PRKAA2: variants seen among roughly 807,000 people sequenced by gnomAD.
PRKAA2 encodes protein kinase AMP-activated catalytic subunit alpha 2, also known as 5'-AMP-activated protein kinase catalytic subunit alpha-2.
A neutral mutation model predicts 56.3 loss-of-function variants in PRKAA2; 40 were observed. The observed-to-expected ratio is 0.71, with a 90% CI of 0.55 to 0.92. The LOEUF is 0.92. Ranked by LOEUF, PRKAA2 falls within the 40% of genes least tolerant of loss-of-function variation. The pLI is 0.00. For missense variants in PRKAA2, 542 were observed against 686.9 expected, an observed-to-expected ratio of 0.79 and a Z score of 2.36; for synonymous variants, 214 against 234.2, an observed-to-expected ratio of 0.91 and a Z score of 0.79.
intron 1 of PRKAA2, among the ~76,000 whole-genome samples, chr1:56,656,715 G>A (rs1473103501): frequency 6.6e-6 from 1 of 152,166 alleles, no homozygotes; most frequent in Non-Finnish European, 1.5e-5. Flanking sequence ...CCAACTTCAT[G>A]TACCCCTGTG....
chr1:56,703,498 T>C (rs1395185733), intron 6 of PRKAA2, among the ~76,000 whole-genome samples: 1 of 152,210 alleles, frequency 6.6e-6, no homozygotes, highest in African/African-American at 2.4e-5. Flanking sequence ...CTTCATTCAG[T>C]CTGTTGCATT....
chr1:56,657,491 C>G (rs998183509), intron 1 of PRKAA2, among the ~76,000 whole-genome samples: 5 of 152,104 alleles, frequency 3.3e-5, no homozygotes, highest in Non-Finnish European at 1.5e-5. Flanking sequence ...GCCTGGCCAA[C>G]ATGGTGAAAC....
intron 1 of PRKAA2, among the ~76,000 whole-genome samples, chr1:56,652,536 A>G (rs1315778500): frequency 6.6e-6 from 1 of 152,226 alleles, no homozygotes; most frequent in Admixed American, 6.5e-5. Flanking sequence ...ACATTGGTAT[A>G]AGAAGGTATT....
Position 56,707,464 on chromosome 1 carries a change from G to A in PRKAA2, c.1421-11G>A, listed in dbSNP as rs1233177213. 1.2e-6 allele frequency: 2 copies of A among 1,611,020 alleles called. No individual in the cohort carries two copies. The highest frequency in any genetic ancestry group is 1.7e-6 in the Non-Finnish European group (2 of 1,177,356). ...TTTCCATATAAATTGCTCTTCTTTG[G>A]TCCATTTCAGATGAAGTAGTGGAGC... On this transcript the variant is annotated splice_polypyrimidine_tract_variant and intron_variant, in intron 8 of 8. Coordinates refer to ENST00000371244, the MANE Select transcript of PRKAA2 (RefSeq NM_006252.4).
At chr1:56,652,092 A>C (rs1308090635) in intron 1 of PRKAA2, among the ~76,000 whole-genome samples, 1 of 149,918 alleles carries the variant, frequency 6.7e-6, no homozygotes, top group African/African-American at 2.5e-5. Flanking sequence ...GGCTCACTAC[A>C]ACCTCTGCCT....
chr1:56,691,521 T>G, intron 3 of PRKAA2, 34 bp downstream of exon 3: 51 of 1,496,092 alleles, frequency 3.4e-5, no homozygotes, highest in Non-Finnish European at 4.1e-5. Flanking sequence ...ACTAAATCTC[T>G]AAACTAATAA....
intron 1 of PRKAA2, among the ~76,000 whole-genome samples, chr1:56,670,260 GA>G (rs1304630385): frequency 6.6e-6 from 1 of 152,192 alleles, no homozygotes; most frequent in African/African-American, 2.4e-5. Context: ...TTGAGTGACA[GA>G]AATATCCAAA....
chr1:56,681,069 G>A (rs1320805118), intron 2 of PRKAA2, among the ~76,000 whole-genome samples: 7 of 152,152 alleles, frequency 4.6e-5, no homozygotes, highest in Non-Finnish European at 8.8e-5. Context: ...GTGAGATGGT[G>A]TCTCATTGTG....
intron 1 of PRKAA2, among the ~76,000 whole-genome samples, chr1:56,670,020 G>C (rs1644063882): frequency 6.6e-6 from 1 of 152,194 alleles, no homozygotes; most frequent in Non-Finnish European, 1.5e-5. Flanking sequence ...GCTTTAGAGA[G>C]TGTTTTGTGT....
intron 1 of PRKAA2, among the ~76,000 whole-genome samples, chr1:56,662,945 A>G (rs1438956328): frequency 6.6e-6 from 1 of 152,124 alleles, no homozygotes; most frequent in Non-Finnish European, 1.5e-5. Flanking sequence ...TTTTTCTGCT[A>G]AGGTTTTGGC....
chr1:56,697,273 C>A (rs933755244), intron 6 of PRKAA2, among the ~76,000 whole-genome samples: 1 of 151,972 alleles, frequency 6.6e-6, no homozygotes, highest in African/African-American at 2.4e-5. Context: ...ATCCACCCAC[C>A]TTGCCCTCCC....
chr1:56,698,546 TAAG>T (rs1238263027), intron 6 of PRKAA2, among the ~76,000 whole-genome samples: 2 of 152,106 alleles, frequency 1.3e-5, no homozygotes, highest in African/African-American at 4.8e-5. Flanking sequence ...ACACAACTAA[TAAG>T]GAGCACAATG....
intron 2 of PRKAA2, among the ~76,000 whole-genome samples, chr1:56,680,906 A>G (rs1644149050): frequency 6.6e-6 from 1 of 152,184 alleles, no homozygotes; most frequent in Non-Finnish European, 1.5e-5. Context: ...TGGTATTTCT[A>G]GTTCTAGATC....
At position 56,695,936 on chromosome 1, in the gene PRKAA2, T is replaced by C; in HGVS notation, c.565T>C (p.Leu189=). ...YAAPEVISGR[L]YAGPEVDIWS... ...TTGTGTTGTCATCTTTTTTCTTAGATTGTATGCAGGTCCTGAAGTTGATAT... is the reference window on the plus strand; with the variant it reads ...TTGTGTTGTCATCTTTTTTCTTAGACTGTATGCAGGTCCTGAAGTTGATAT... The change falls in exon 6 of 9, where the codon TTG becomes CTG. Residue 189 remains leucine, a splice_region_variant and synonymous_variant. Transcript: ENST00000371244. The C allele has an allele frequency of 1.2e-6, 2 of 1,611,896 alleles. No homozygotes were observed. Among genetic ancestry groups the C allele is most frequent in the Non-Finnish European group, 1.7e-6 (2 of 1,179,262 alleles).
At chr1:56,652,008 A>ATTTTTTTTT (rs35462805) in intron 1 of PRKAA2, among the ~76,000 whole-genome samples, 5 of 106,536 alleles carry the variant, frequency 4.7e-5, no homozygotes, top group African/African-American at 1.9e-4. Flanking sequence ...CGCCTGGCTA[A>ATTTTTTTTT]TTTTTTTTTT....
In PRKAA2 at chr1:56,710,696, A is replaced by G. The variant is rs1644364015; in HGVS notation, c.*2983A>G. The G allele has an allele frequency of 6.6e-6, 1 of 152,040 alleles. No homozygotes were observed. The highest frequency in any genetic ancestry group is 1.5e-5 in the Non-Finnish European group (1 of 67,970). The allele number at this position is 152,040 out of a possible 1,614,324, so 9.4% of individuals were successfully genotyped here. A position where few individuals can be genotyped will look rare whatever the true frequency, so the allele number is the denominator to read the frequency against. On this transcript the variant is annotated 3_prime_UTR_variant, in exon 9 of 9. Transcript: ENST00000371244. The stretch of plus-strand genomic sequence containing the variant: ...TTCTGTGTCTGCAACTTGTTTCATG[A>G]CACCTTGGTTTTCTTAATCATCTTG...
intron 2 of PRKAA2, 108 bp downstream of exon 2, chr1:56,674,630 C>T: frequency 9.9e-7 from 1 of 1,007,040 alleles, no homozygotes; most frequent in East Asian, 2.9e-5. Flanking sequence ...GATTTTTTTT[C>T]ATGTTCATAT....
At chr1:56,649,514 TTTGA>T (rs150313417) in intron 1 of PRKAA2, among the ~76,000 whole-genome samples, 14 of 152,034 alleles carry the variant, frequency 9.2e-5, no homozygotes, top group Non-Finnish European at 1.8e-4. Context: ...AGACCCTGTC[TTTGA>T]TTGATTGATT....
chr1:56,675,044 TC>T (rs759882896), intron 2 of PRKAA2, among the ~76,000 whole-genome samples: 4 of 152,094 alleles, frequency 2.6e-5, no homozygotes, highest in Non-Finnish European at 4.4e-5. Flanking sequence ...TGTGTTTTTT[TC>T]CCCTTGGAAT....
Sources: gnomAD v4.1 joint callset for allele counts (sites outside exome capture counted in the v4.1 genomes callset) on GRCh38, gnomAD v4.1.1 for gene constraint, MANE v1.5 for transcripts, NCBI Gene and HGNC (gene_info 2026-07-23, HGNC 2026-07-21) for gene names.